The following MTCL2 variants were observed in gnomAD, a reference collection of about 807,000 sequenced individuals.
MTCL2 encodes the protein microtubule crosslinking factor 2.
the MTCL2 span, chr20:36,804,913 G>A: frequency 1.2e-6 from 2 of 1,604,504 alleles, no homozygotes; most frequent in East Asian, 2.2e-5. Context: ...CTGCAGACAG[G>A]AGGCAAAACC....
chr20:36,862,407 G>A, the MTCL2 span, among the ~76,000 whole-genome samples: 4 of 152,058 alleles, frequency 2.6e-5, no homozygotes, highest in East Asian at 1.9e-4. Context: ...GCTTTCTCAA[G>A]TCCCCGCTCC....
the MTCL2 span, among the ~76,000 whole-genome samples, chr20:36,799,419 G>A: frequency 6.6e-6 from 1 of 152,182 alleles, no homozygotes; most frequent in African/African-American, 2.4e-5. Context: ...TTGAACGCGG[G>A]AGGCAGAGGT....
chr20:36,802,898 C>T, the MTCL2 span: 2 of 1,574,634 alleles, frequency 1.3e-6, no homozygotes, highest in South Asian at 1.2e-5. Context: ...GCTGCTCCAC[C>T]TGCTGCTTCT....
chr20:36,805,834 G>A, the MTCL2 span: 2 of 1,587,704 alleles, frequency 1.3e-6, no homozygotes, highest in South Asian at 1.1e-5. Context: ...ACAGGACCGG[G>A]AAGGGGCTGG....
the MTCL2 span, among the ~76,000 whole-genome samples, chr20:36,841,874 G>GGGGTGTGTGTGTGTGTGTGTGTGT: frequency 1.3e-4 from 14 of 110,768 alleles, no homozygotes; most frequent in African/African-American, 4.5e-4. Context: ...TGGGGGGTGG[G>GGGGTGTGTGTGTGTGTGTGTGTGT]GTGTGTGTGT....
chr20:36,819,703 A>T, the MTCL2 span, among the ~76,000 whole-genome samples: 2 of 152,128 alleles, frequency 1.3e-5, no homozygotes, highest in African/African-American at 4.8e-5. Flanking sequence ...TCTGAAGTGC[A>T]GGTCGGATCC....
the MTCL2 span, chr20:36,812,890 G>C: frequency 3.1e-5 from 48 of 1,573,734 alleles, no homozygotes; most frequent in Non-Finnish European, 4.0e-5. Context: ...TCACCATGGG[G>C]AGGGGCCCGA....
the MTCL2 span, among the ~76,000 whole-genome samples, chr20:36,839,611 T>C: frequency 1.3e-5 from 2 of 152,178 alleles, no homozygotes; most frequent in African/African-American, 4.8e-5. This position sits in a 1 kb window ranked among gnomAD's most constrained non-coding sequence, Gnocchi z 5.1. Flanking sequence ...TCTGTGAATG[T>C]TGCCTTACAT....
the MTCL2 span, among the ~76,000 whole-genome samples, chr20:36,843,881 A>G: frequency 3.3e-5 from 5 of 152,252 alleles, no homozygotes; most frequent in Non-Finnish European, 5.9e-5. Context: ...TCACACCCAG[A>G]GCACTAGAGT....
chr20:36,793,281 C>T, the MTCL2 span: 12 of 1,551,834 alleles, frequency 7.7e-6, no homozygotes, highest in Non-Finnish European at 1.0e-5. The surrounding 1 kb of genome is among the most constrained non-coding windows in gnomAD (Gnocchi z 6.8). Flanking sequence ...CCATCTCCGT[C>T]CCGGAGGACA....
At chr20:36,786,395 A>G in the MTCL2 span, 5 of 1,419,366 alleles carry the variant, frequency 3.5e-6, no homozygotes, top group Non-Finnish European at 4.6e-6. Flanking sequence ...CTGAGGACAC[A>G]GCCCCTCGCC....
the MTCL2 span, among the ~76,000 whole-genome samples, chr20:36,826,879 G>T: frequency 3.3e-5 from 5 of 151,974 alleles, no homozygotes; most frequent in East Asian, 9.6e-4. Context: ...GAGATTGCTG[G>T]ATCATATGAT....
At chr20:36,803,182 G>T in the MTCL2 span, 7 of 1,492,188 alleles carry the variant, frequency 4.7e-6, no homozygotes, top group African/African-American at 8.3e-5. Flanking sequence ...CTTCCCTCCT[G>T]GGTGCCAGCG....
chr20:36,830,198 TGTGG>T, the MTCL2 span, among the ~76,000 whole-genome samples: 1 of 151,806 alleles, frequency 6.6e-6, no homozygotes, highest in African/African-American at 2.4e-5. Flanking sequence ...CACAAAAGCC[TGTGG>T]GAGGGCCAGA....
chr20:36,835,829 C>T, the MTCL2 span, among the ~76,000 whole-genome samples: 1 of 152,138 alleles, frequency 6.6e-6, no homozygotes, highest in African/African-American at 2.4e-5. Context: ...GAGAGCCACA[C>T]ACCCGCTCCC....
At chr20:36,839,589 A>G in the MTCL2 span, 1 of 667,340 alleles carries the variant, frequency 1.5e-6, no homozygotes, top group Non-Finnish European at 2.5e-6. This position sits in a 1 kb window ranked among gnomAD's most constrained non-coding sequence, Gnocchi z 5.1. Flanking sequence ...GTCCATGTTC[A>G]CATTCCCAGG....
the MTCL2 span, among the ~76,000 whole-genome samples, chr20:36,854,116 C>A: frequency 2.6e-5 from 4 of 152,190 alleles, no homozygotes; most frequent in Admixed American, 1.3e-4. Context: ...ACACCCCTGC[C>A]ATTCCCCCTG....
chr20:36,804,664 A>T, the MTCL2 span: 1 of 1,572,242 alleles, frequency 6.4e-7, no homozygotes, highest in Admixed American at 1.7e-5. Flanking sequence ...TTGGTATTCT[A>T]CTCCCAGATC....
the MTCL2 span, chr20:36,839,510 C>T: frequency 7.0e-7 from 1 of 1,436,210 alleles, no homozygotes; most frequent in South Asian, 1.3e-5. The surrounding 1 kb of genome is among the most constrained non-coding windows in gnomAD (Gnocchi z 5.1). Flanking sequence ...GTACTGGCCA[C>T]ACCTAGGACT....
Sources: allele counts gnomAD v4.1 joint callset (sites outside exome capture counted in the v4.1 genomes callset), GRCh38; gene constraint gnomAD v4.1.1; non-coding constraint Gnocchi (gnomAD v3.1); transcripts MANE v1.5; gene names NCBI Gene and HGNC (gene_info 2026-07-23, HGNC 2026-07-21).